The following INTU variants were observed in gnomAD, a reference collection of about 807,000 sequenced individuals.
The protein encoded by INTU is inturned planar cell polarity protein, also known as protein inturned.
Under a neutral mutation model 100.5 loss-of-function variants are expected in INTU, and 68 were observed. That is an observed-to-expected ratio of 0.68 (90% CI 0.56 to 0.83). INTU has a LOEUF of 0.83. INTU is among the 40% of genes least tolerant of loss of function. The pLI is 0.00. For synonymous variants in INTU, 357 were observed against 395.7 expected (o/e 0.90, Z 1.16); for missense variants, 1,071 against 1,114.7 (o/e 0.96, Z 0.56).
At chr4:127,651,919 T>C (rs1727901756) in intron 2 of INTU, among the ~76,000 whole-genome samples, 1 of 151,110 alleles carries the variant, frequency 6.6e-6, no homozygotes, top group Admixed American at 6.6e-5. Flanking sequence ...TAGTTCTCCT[T>C]GAAGAGGTCC....
chr4:127,679,685 T>C lies in INTU; in HGVS notation c.1182-4724T>C, dbSNP rs549388777. Among the ~76,000 whole-genome samples the C allele has an allele frequency of 1.7e-3, 260 of 151,368 alleles. 1 individual carries two copies. The highest frequency in any genetic ancestry group is 6.0e-3 in the African/African-American group (248 of 41,222). ...CAAAATTGACACCCTAACATCACAATTAAAAGAACTAGAAAAGCAAGAGCA... is the reference window on the plus strand; with the variant it reads ...CAAAATTGACACCCTAACATCACAACTAAAAGAACTAGAAAAGCAAGAGCA... On this transcript the variant is annotated intron_variant, in intron 6 of 15. Coordinates refer to ENST00000335251, the MANE Select transcript of INTU (RefSeq NM_015693.4).
intron 8 of INTU, among the ~76,000 whole-genome samples, chr4:127,691,349 C>T (rs1730113590): frequency 6.6e-6 from 1 of 152,124 alleles, no homozygotes; most frequent in Non-Finnish European, 1.5e-5. Flanking sequence ...AAACTGTCTT[C>T]CAAAGTGGCT....
intron 3 of INTU, 77 bp from the exon 4 acceptor site, chr4:127,663,304 G>T: frequency 9.7e-7 from 1 of 1,032,242 alleles, no homozygotes; most frequent in Non-Finnish European, 1.5e-6. Context: ...GTATGTACAT[G>T]CACAGATCCT....
At position 127,721,050 on chromosome 4, in the gene INTU, T is replaced by G. The variant is rs1731339209; in HGVS notation, c.*4614T>G. On this transcript the variant is annotated 3_prime_UTR_variant, in exon 16 of 16. Coordinates refer to ENST00000335251, the MANE Select transcript of INTU (RefSeq NM_015693.4). ...ATTATTTTGCAGACTTGTTTATGTTTTTGCTTCATAGTGTTACTGATCTGT... is the reference window on the plus strand; with the variant it reads ...ATTATTTTGCAGACTTGTTTATGTTGTTGCTTCATAGTGTTACTGATCTGT... 1 of 152,158 alleles carries G rather than the reference T, an allele frequency of 6.6e-6. No individual in the cohort carries two copies. The highest frequency in any genetic ancestry group is 3.2e-3 in the Middle Eastern group (1 of 316). The allele number at this position is 152,158 out of a possible 1,614,324, so 9.4% of individuals were successfully genotyped here.
chr4:127,691,236 T>C (rs1166856823), intron 8 of INTU, among the ~76,000 whole-genome samples: 4 of 152,194 alleles, frequency 2.6e-5, no homozygotes, highest in Non-Finnish European at 5.9e-5. Context: ...AGGTATACCA[T>C]AGTTTATTTA....
At chr4:127,636,377 G>A (rs1471308234) in intron 1 of INTU, among the ~76,000 whole-genome samples, 2 of 151,998 alleles carry the variant, frequency 1.3e-5, no homozygotes, top group South Asian at 4.2e-4. Context: ...TTGGAAGGCC[G>A]AGGCGGGCAG....
At chr4:127,681,163 A>T (rs1729524123) in intron 6 of INTU, among the ~76,000 whole-genome samples, 1 of 152,218 alleles carries the variant, frequency 6.6e-6, no homozygotes, top group Non-Finnish European at 1.5e-5. Context: ...ATATCATGAA[A>T]ATGGCCATAC....
At chr4:127,658,269 C>T (rs1271590168) in intron 3 of INTU, among the ~76,000 whole-genome samples, 2 of 152,150 alleles carry the variant, frequency 1.3e-5, no homozygotes, top group Non-Finnish European at 1.5e-5. Flanking sequence ...AATGAAAGTG[C>T]TGGAATAACT....
chr4:127,678,393 A>G (rs1043605811), intron 6 of INTU, among the ~76,000 whole-genome samples: 13 of 152,252 alleles, frequency 8.5e-5, no homozygotes, highest in Non-Finnish European at 1.8e-4. Flanking sequence ...TCAGACTAAC[A>G]GTGGATCTCT....
intron 1 of INTU, among the ~76,000 whole-genome samples, chr4:127,633,777 A>T (rs1726948425): frequency 6.6e-6 from 1 of 152,204 alleles, no homozygotes; most frequent in African/African-American, 2.4e-5. Context: ...GTCATAATTT[A>T]ATTTTTAAAA....
In INTU at chr4:127,687,824, A is replaced by G; in HGVS notation, c.1406A>G (p.Asn469Ser). The change falls in exon 8 of 16, where the codon AAC (asparagine) becomes AGC (serine). Residue 469 changes from asparagine to serine, a missense_variant. Coordinates refer to ENST00000335251, the MANE Select transcript of INTU (RefSeq NM_015693.4). Reference sequence around the variant, plus strand: ...GCTTCCAGTGCAGTACTTTTAGACAACCTCCCTGGAGTCCGGTGGCTCACA... The same window carrying G: ...GCTTCCAGTGCAGTACTTTTAGACAGCCTCCCTGGAGTCCGGTGGCTCACA... ...YDASSAVLLDNLPGVRWLTLP... is the reference protein window; with the variant it reads ...YDASSAVLLDSLPGVRWLTLP... 1 of 1,599,688 alleles carries G rather than the reference A, an allele frequency of 6.3e-7. No homozygotes were observed.
chr4:127,673,539 G>A (rs1729030779), intron 5 of INTU, among the ~76,000 whole-genome samples: 1 of 151,382 alleles, frequency 6.6e-6, no homozygotes, highest in South Asian at 2.1e-4. Flanking sequence ...ATGTTAGCAA[G>A]AGAATTTCAA....
intron 2 of INTU, 61 bp from the exon 3 acceptor site, chr4:127,656,575 C>T (rs543500146): frequency 8.3e-7 from 1 of 1,202,990 alleles, no homozygotes; most frequent in Non-Finnish European, 1.2e-6. Flanking sequence ...TGTTCCAATT[C>T]TAGACCTCTA....
In INTU at chr4:127,669,125, G is replaced by T; in HGVS notation, c.1062G>T (p.Leu354=). 6.5e-7 allele frequency: 1 copy of T among 1,534,214 alleles called. No homozygotes were observed. Among genetic ancestry groups the T allele is most frequent in the Non-Finnish European group, 8.9e-7 (1 of 1,128,916 alleles). ...TTTTTCTCACACTCTGTGACATGCT[G>T]GAAAACGTAACTGGGACACAAGTTA... The part of the protein sequence containing the change: ...RGIFLTLCDM[L]ENVTGTQVTS... Residue 354 remains leucine (L), a synonymous_variant, in exon 5 of 16, where the codon CTG becomes CTT. Transcript: ENST00000335251.
chr4:127,672,535 G>C (rs560019256), intron 5 of INTU, among the ~76,000 whole-genome samples: 3 of 144,906 alleles, frequency 2.1e-5, no homozygotes, highest in South Asian at 2.2e-4. Context: ...CTAATATTTA[G>C]ATTTTGTTAT....
intron 15 of INTU, among the ~76,000 whole-genome samples, chr4:127,714,998 T>C (rs1358761398): frequency 2.0e-5 from 3 of 152,044 alleles, no homozygotes; most frequent in African/African-American, 4.8e-5. Flanking sequence ...TGCTGAAATA[T>C]CTATATATTT....
At chr4:127,650,997 T>C (rs529317327) in intron 2 of INTU, among the ~76,000 whole-genome samples, 142 of 152,366 alleles carry the variant, frequency 9.3e-4, no homozygotes, top group African/African-American at 3.2e-3. Context: ...CATGTGTTTT[T>C]TGGCTGCATA....
At chr4:127,707,797 C>A (rs1279314028) in intron 12 of INTU, among the ~76,000 whole-genome samples, 3 of 152,128 alleles carry the variant, frequency 2.0e-5, no homozygotes, top group Non-Finnish European at 4.4e-5. Context: ...CATGAAAATA[C>A]CATAAAATAT....
intron 4 of INTU, among the ~76,000 whole-genome samples, chr4:127,667,005 A>G (rs1253336896): frequency 6.6e-6 from 1 of 152,200 alleles, no homozygotes; most frequent in Admixed American, 6.5e-5. Flanking sequence ...AAATACATAC[A>G]GACCTAGAGT....
Sources: allele counts gnomAD v4.1 joint callset (sites outside exome capture counted in the v4.1 genomes callset), GRCh38; gene constraint gnomAD v4.1.1; transcripts MANE v1.5; gene names NCBI Gene and HGNC (gene_info 2026-07-23, HGNC 2026-07-21).